Variants in SLC13A4 observed in about 807,000 individuals in gnomAD.
SLC13A4 encodes solute carrier family 13 member 4.
Under a neutral mutation model 72.7 loss-of-function variants are expected in SLC13A4, and 28 were observed. That is an observed-to-expected ratio of 0.39 (90% CI 0.29 to 0.53). SLC13A4 has a LOEUF of 0.53. SLC13A4 is among the 20% of genes least tolerant of loss of function. The pLI is 0.78. For missense variants in SLC13A4, 653 were observed against 788.0 expected (o/e 0.83, Z 2.05); for synonymous variants, 312 against 325.5 (o/e 0.96, Z 0.45).
chr7:135,708,706 T>C (rs3110801), intron 2 of SLC13A4, among the ~76,000 whole-genome samples: 98,565 of 151,780 alleles, frequency 0.65, 32,187 homozygotes, highest in East Asian at 0.89. Context: ...AATTAATACA[T>C]ACTCAGTATG....
At chr7:135,714,701 G>C (rs974344684) in intron 2 of SLC13A4, among the ~76,000 whole-genome samples, 1 of 152,224 alleles carries the variant, frequency 6.6e-6, no homozygotes, top group Non-Finnish European at 1.5e-5. Flanking sequence ...ATGCCCCCAG[G>C]CTTACTCAAA....
At chr7:135,719,807 G>GTGTGTGTGTGTGTA (rs1762327451) in intron 2 of SLC13A4, among the ~76,000 whole-genome samples, 4 of 128,318 alleles carry the variant, frequency 3.1e-5, no homozygotes, top group South Asian at 5.4e-4. Flanking sequence ...GTGTGTATGT[G>GTGTGTGTGTGTGTA]TGTGTGTGTG....
intron 1 of SLC13A4, among the ~76,000 whole-genome samples, chr7:135,726,784 G>A (rs1796666979): frequency 6.6e-6 from 1 of 152,206 alleles, no homozygotes; most frequent in Admixed American, 6.5e-5. Flanking sequence ...AATAATTCAA[G>A]GCCACGTGCA....
At chr7:135,698,300 T>TG (rs2129494337) in intron 8 of SLC13A4, among the ~76,000 whole-genome samples, 1 of 148,084 alleles carries the variant, frequency 6.8e-6, no homozygotes, top group Admixed American at 6.8e-5. Context: ...CCCAGAGTGC[T>TG]GGGATTACAG....
intron 5 of SLC13A4, 42 bp from the exon 6 acceptor site, chr7:135,702,926 C>T (rs762968815): frequency 5.9e-6 from 9 of 1,526,142 alleles, no homozygotes; most frequent in South Asian, 1.1e-5. Flanking sequence ...TCAGTGAGGC[C>T]GACTCTTGGG....
At chr7:135,707,769 G>A (rs1038617978) in intron 3 of SLC13A4, 6 of 182,756 alleles carry the variant, frequency 3.3e-5, no homozygotes, top group Non-Finnish European at 5.7e-5. Context: ...AGCCACTTCC[G>A]GTCCAGCCTG....
chr7:135,694,136 C>T lies in SLC13A4; in HGVS notation c.1121+1G>A. 6.3e-7 allele frequency: 1 copy of T among 1,580,524 alleles called. No homozygotes were observed. The highest frequency in any genetic ancestry group is 1.1e-5 in the South Asian group (1 of 90,364). On this transcript the variant is annotated splice_donor_variant, in intron 10 of 15. Transcript: ENST00000682651. LOFTEE classifies it high-confidence loss of function. ...AGGGAAGAGGAATGGCTGATTTTTA[C>T]CTAATGTCTCCCAGTTTTTCATATT...
chr7:135,721,859 G>A (rs572238463), intron 1 of SLC13A4, among the ~76,000 whole-genome samples: 24 of 152,342 alleles, frequency 1.6e-4, no homozygotes, highest in African/African-American at 5.5e-4. Context: ...AACCATACAA[G>A]TGGAGTTCAA....
intron 3 of SLC13A4, among the ~76,000 whole-genome samples, chr7:135,706,876 A>T (rs1796176155): frequency 6.6e-6 from 1 of 152,226 alleles, no homozygotes; most frequent in African/African-American, 2.4e-5. Flanking sequence ...TCCAGCTGAC[A>T]TCTTAAAGCG....
intron 8 of SLC13A4, among the ~76,000 whole-genome samples, chr7:135,698,888 C>T (rs1795966091): frequency 6.6e-6 from 1 of 152,154 alleles, no homozygotes; most frequent in Non-Finnish European, 1.5e-5. Context: ...CTGCCTTGGC[C>T]TCCCAAAGCG....
At chr7:135,720,819 A>T (rs1293876353) in intron 2 of SLC13A4, among the ~76,000 whole-genome samples, 1 of 152,198 alleles carries the variant, frequency 6.6e-6, no homozygotes, top group Non-Finnish European at 1.5e-5. Context: ...CAGACAGTGA[A>T]TGGAGAGGGC....
chr7:135,718,086 C>CGT (rs1796468419), intron 2 of SLC13A4, among the ~76,000 whole-genome samples: 3 of 124,860 alleles, frequency 2.4e-5, no homozygotes, highest in African/African-American at 9.7e-5. Context: ...CACACACACA[C>CGT]ACGCGCGCGC....
At chr7:135,700,358 AC>A (rs1301219840) in intron 7 of SLC13A4, among the ~76,000 whole-genome samples, 2 of 152,074 alleles carry the variant, frequency 1.3e-5, no homozygotes, top group African/African-American at 4.8e-5. Context: ...ACACCTGGCC[AC>A]CTTCACTGAT....
At chr7:135,713,384 A>C (rs1426914118) in intron 2 of SLC13A4, among the ~76,000 whole-genome samples, 1 of 152,122 alleles carries the variant, frequency 6.6e-6, no homozygotes, top group Admixed American at 6.5e-5. Context: ...GACAAGGAAT[A>C]GCTATAGCAA....
chr7:135,709,756 C>T (rs982635125), intron 2 of SLC13A4, among the ~76,000 whole-genome samples: 1 of 152,160 alleles, frequency 6.6e-6, no homozygotes, highest in African/African-American at 2.4e-5. Context: ...CAGTTCAGGC[C>T]TGGCATCCTC....
At chr7:135,701,639 T>C (rs770032816) in intron 7 of SLC13A4, 41 bp downstream of exon 7, 23 of 1,595,992 alleles carry the variant, frequency 1.4e-5, no homozygotes, top group Non-Finnish European at 1.5e-5. Flanking sequence ...GTTCACAGCG[T>C]TTCATGTAGG....
chr7:135,687,555 T>C (rs182490498), intron 13 of SLC13A4, among the ~76,000 whole-genome samples: 2 of 152,312 alleles, frequency 1.3e-5, no homozygotes. Context: ...TGTAGAACTT[T>C]TCTTCCTTTT....
chr7:135,688,347 C>T (rs1016561298), intron 13 of SLC13A4, among the ~76,000 whole-genome samples: 1 of 151,988 alleles, frequency 6.6e-6, no homozygotes, highest in Non-Finnish European at 1.5e-5. Flanking sequence ...ACCTCCTCCT[C>T]CTGGGTTCAA....
chr7:135,700,203 TC>T (rs1214745603), intron 7 of SLC13A4, among the ~76,000 whole-genome samples: 1 of 152,228 alleles, frequency 6.6e-6, no homozygotes, highest in Non-Finnish European at 1.5e-5. Flanking sequence ...TCTACTTTTT[TC>T]TTCCCCCTTG....
Sources: gnomAD v4.1 joint callset for allele counts (sites outside exome capture counted in the v4.1 genomes callset) on GRCh38, gnomAD v4.1.1 for gene constraint, MANE v1.5 for transcripts, NCBI Gene and HGNC (gene_info 2026-07-23, HGNC 2026-07-21) for gene names.